RORA: variants seen among roughly 807,000 people sequenced by gnomAD.
RORA encodes the protein RAR related orphan receptor A.
RORA carries 7 observed loss-of-function variants against 69.5 expected under a neutral mutation model. The ratio of observed to expected loss-of-function variants is 0.10; its 90% CI spans 0.06 to 0.19. The LOEUF (loss-of-function observed/expected upper bound fraction) is 0.19. Ranked by LOEUF, RORA falls within the 10% of genes least tolerant of loss-of-function variation. The probability of loss-of-function intolerance (pLI) is 1.00; values close to 1 mark genes in which losing one functional copy is unlikely to be tolerated. For missense variants in RORA, 457 were observed against 663.0 expected, an observed-to-expected ratio of 0.69 and a Z score of 3.41; for synonymous variants, 261 against 240.8, an observed-to-expected ratio of 1.08 and a Z score of -0.78.
rs374600272 is a variant in RORA at position 60,874,101 on chromosome 15, G to C, written c.167-195415C>G. ...ATCTTAAATCTGGCATCCCTTTTTTGGCTCAAGAAAATTGATAAAAATCTC... is the reference window on the plus strand; with the variant it reads ...ATCTTAAATCTGGCATCCCTTTTTTCGCTCAAGAAAATTGATAAAAATCTC... On this transcript the variant is annotated intron_variant, in intron 1 of 10. Coordinates refer to ENST00000335670, the MANE Select transcript of RORA (RefSeq NM_134261.3). Among the ~76,000 whole-genome samples the C allele has an allele frequency of 1.1e-4, 17 of 152,066 alleles. No individual in the cohort carries two copies. The South Asian group carries it at 3.5e-3, about 32-fold the overall frequency.
At chr15:60,830,649 A>G (rs759596384) in intron 1 of RORA, among the ~76,000 whole-genome samples, 9 of 152,234 alleles carry the variant, frequency 5.9e-5, no homozygotes, top group Non-Finnish European at 1.3e-4. Context: ...CAGGCAAGAA[A>G]AGCTGTTTCA....
intron 2 of RORA, among the ~76,000 whole-genome samples, chr15:60,630,203 T>G (rs1263711033): frequency 6.6e-6 from 1 of 152,248 alleles, no homozygotes; most frequent in Non-Finnish European, 1.5e-5. Context: ...ATACATTCCC[T>G]GATTTGGAAA....
At chr15:61,141,356 T>A (rs540204996) in intron 1 of RORA, among the ~76,000 whole-genome samples, 10 of 152,278 alleles carry the variant, frequency 6.6e-5, no homozygotes, top group African/African-American at 2.4e-4. Context: ...CTGGAATGAT[T>A]TAAAGCCAAT....
At chr15:60,586,783 C>T (rs892091704) in intron 2 of RORA, among the ~76,000 whole-genome samples, 18 of 152,242 alleles carry the variant, frequency 1.2e-4, no homozygotes, top group Middle Eastern at 3.4e-3. Flanking sequence ...TTAAAGGTTT[C>T]GTCTGAGACT....
intron 1 of RORA, among the ~76,000 whole-genome samples, chr15:60,944,561 A>G (rs960371226): frequency 6.6e-6 from 1 of 151,954 alleles, no homozygotes; most frequent in African/African-American, 2.4e-5. Flanking sequence ...TACCACAAAT[A>G]CAAAAAAGAA....
intron 1 of RORA, among the ~76,000 whole-genome samples, chr15:61,145,297 C>T (rs1416989676): frequency 6.6e-6 from 1 of 152,204 alleles, no homozygotes; most frequent in Non-Finnish European, 1.5e-5. Flanking sequence ...CACTTTAATA[C>T]ATTATCTAAT....
At chr15:60,622,392 T>G (rs547657305) in intron 2 of RORA, among the ~76,000 whole-genome samples, 1 of 152,126 alleles carries the variant, frequency 6.6e-6, no homozygotes, top group South Asian at 2.1e-4. Flanking sequence ...GTGGGCAGAT[T>G]GCTTGAGCTC....
At chr15:60,922,305 C>T (rs1595818502) in intron 1 of RORA, among the ~76,000 whole-genome samples, 1 of 151,958 alleles carries the variant, frequency 6.6e-6, no homozygotes, top group East Asian at 1.9e-4. Flanking sequence ...CAAGAGTGAA[C>T]CCTAACATAA....
intron 2 of RORA, among the ~76,000 whole-genome samples, chr15:60,538,772 A>G (rs1167481545): frequency 6.6e-6 from 1 of 152,236 alleles, no homozygotes; most frequent in East Asian, 1.9e-4. Flanking sequence ...ACTTGTTAAC[A>G]TAATAAACAT....
intron 2 of RORA, among the ~76,000 whole-genome samples, chr15:60,536,356 T>A (rs1344408130): frequency 6.6e-6 from 1 of 152,228 alleles, no homozygotes; most frequent in Admixed American, 6.5e-5. Flanking sequence ...TCCTGCCTTA[T>A]AGTGAAATGA....
intron 1 of RORA, among the ~76,000 whole-genome samples, chr15:61,109,569 A>T (rs994088952): frequency 7.9e-5 from 12 of 152,226 alleles, no homozygotes; most frequent in Non-Finnish European, 1.8e-4. Context: ...GAATAACTAA[A>T]TCTAACCTGA....
chr15:60,651,981 C>T, intron 2 of RORA, among the ~76,000 whole-genome samples: 1 of 152,164 alleles, frequency 6.6e-6, no homozygotes, highest in East Asian at 1.9e-4. Context: ...GAAAGTGTAG[C>T]CCTGATCAAA....
intron 1 of RORA, among the ~76,000 whole-genome samples, chr15:60,999,828 G>A (rs12591812): frequency 6.6e-6 from 1 of 152,064 alleles, no homozygotes; most frequent in East Asian, 1.9e-4. Context: ...AATTGAGGGC[G>A]ATGAAAACTG....
chr15:61,097,344 G>A (rs1431640223), intron 1 of RORA, among the ~76,000 whole-genome samples: 2 of 152,132 alleles, frequency 1.3e-5, no homozygotes, highest in African/African-American at 4.8e-5. Flanking sequence ...CTACATACCT[G>A]GAATTTGCTG....
At chr15:60,559,558 A>C (rs909576160) in intron 2 of RORA, among the ~76,000 whole-genome samples, 2 of 152,118 alleles carry the variant, frequency 1.3e-5, no homozygotes, top group Admixed American at 1.3e-4. Context: ...TTACTTCCTA[A>C]CTTCTCAGAT....
At chr15:60,904,397 T>G (rs193072810) in intron 1 of RORA, among the ~76,000 whole-genome samples, 1 of 152,184 alleles carries the variant, frequency 6.6e-6, no homozygotes, top group Admixed American at 6.5e-5. Flanking sequence ...CAAACATGCA[T>G]AGACAAGTAT....
At chr15:60,785,915 A>T (rs2072328094) in intron 1 of RORA, among the ~76,000 whole-genome samples, 1 of 152,184 alleles carries the variant, frequency 6.6e-6, no homozygotes. Flanking sequence ...TGCTCCGCAC[A>T]ACAGGGCCTG....
intron 1 of RORA, among the ~76,000 whole-genome samples, chr15:60,812,394 T>C (rs1489347466): frequency 3.3e-5 from 5 of 152,078 alleles, no homozygotes; most frequent in Non-Finnish European, 7.4e-5. Context: ...TCTGTAGTCC[T>C]AGCTACTGAG....
intron 1 of RORA, among the ~76,000 whole-genome samples, chr15:60,708,260 A>G (rs1175722734): frequency 6.6e-6 from 1 of 151,586 alleles, no homozygotes; most frequent in Non-Finnish European, 1.5e-5. Context: ...TGTCTCTACT[A>G]AAAATACAAA....
Sources: gnomAD v4.1 joint callset for allele counts (sites outside exome capture counted in the v4.1 genomes callset) on GRCh38, gnomAD v4.1.1 for gene constraint, MANE v1.5 for transcripts, NCBI Gene and HGNC (gene_info 2026-07-23, HGNC 2026-07-21) for gene names.